RYR3: variants seen among roughly 807,000 people sequenced by gnomAD.
The protein encoded by RYR3 is ryanodine receptor 3.
A neutral mutation model predicts 584.3 loss-of-function variants in RYR3; 207 were observed. The ratio of observed to expected loss-of-function variants is 0.35; its 90% CI spans 0.32 to 0.40. The LOEUF (loss-of-function observed/expected upper bound fraction) is 0.40, where lower values mean the gene tolerates loss of function less well. RYR3 is among the 10% of genes least tolerant of loss of function. The pLI is 1.00. For synonymous variants in RYR3, 2,416 were observed against 2,248.5 expected (o/e 1.07, Z -2.11); for missense variants, 5,616 against 6,089.2 (o/e 0.92, Z 2.59).
intron 66 of RYR3, 123 bp downstream of exon 66, chr15:33,786,105 A>G (rs927059758): frequency 3.9e-6 from 3 of 773,910 alleles, no homozygotes; most frequent in East Asian, 2.7e-5. Context: ...AAACCTCCCC[A>G]TGCCCACCCC....
intron 38 of RYR3, among the ~76,000 whole-genome samples, chr15:33,683,102 C>G (rs961858498): frequency 6.6e-6 from 1 of 151,964 alleles, no homozygotes; most frequent in Admixed American, 6.6e-5. Flanking sequence ...TCATGCCATT[C>G]TCCTTCCTCA....
chr15:33,669,854 GGGGGTGTGGGT>G (rs2063723867), intron 37 of RYR3, among the ~76,000 whole-genome samples: 1 of 35,994 alleles, frequency 2.8e-5, no homozygotes, highest in African/African-American at 8.0e-5. Context: ...GGGGGGGGGG[GGGGGTGTGGGT>G]GTGTGGGTGT....
intron 1 of RYR3, among the ~76,000 whole-genome samples, chr15:33,338,957 G>A (rs775022849): frequency 6.6e-6 from 1 of 152,170 alleles, no homozygotes; most frequent in Non-Finnish European, 1.5e-5. Flanking sequence ...GCAAGAGACT[G>A]ACAAAACTGC....
intron 1 of RYR3, among the ~76,000 whole-genome samples, chr15:33,448,347 G>C (rs2141948814): frequency 6.6e-6 from 1 of 152,320 alleles, no homozygotes; most frequent in East Asian, 1.9e-4. Flanking sequence ...AATACCTTTT[G>C]CCCTGAGGCT....
At chr15:33,675,980 GC>G (rs34335833) in intron 38 of RYR3, among the ~76,000 whole-genome samples, 72,524 of 151,654 alleles carry the variant, frequency 0.48, 18,812 homozygotes, top group Non-Finnish European at 0.58. Flanking sequence ...CAGGATAATT[GC>G]CCCCCAAAGA....
Position 33,838,022 on chromosome 15 carries a change from G to A in RYR3, c.12042G>A (p.Leu4014=). 1 of 1,614,002 alleles carries A rather than the reference G, an allele frequency of 6.2e-7. No individual in the cohort carries two copies. Among genetic ancestry groups the A allele is most frequent in the Non-Finnish European group, 8.5e-7 (1 of 1,179,896 alleles). The part of the protein sequence containing the change: ...HMPNDSRLKC[L]LDPAESVLNY... ...CAAACGATTCCCGCCTGAAGTGTCT[G>A]TTGGACCCAGCAGAAAGTGTGCTAA... The change falls in exon 89 of 104, where the codon CTG becomes CTA. Residue 4014 remains leucine, a synonymous_variant. Coordinates refer to ENST00000634891, the MANE Select transcript of RYR3 (RefSeq NM_001036.6).
At chr15:33,681,069 G>A (rs1214905898) in intron 38 of RYR3, among the ~76,000 whole-genome samples, 2 of 152,168 alleles carry the variant, frequency 1.3e-5, no homozygotes, top group Non-Finnish European at 2.9e-5. Flanking sequence ...GCCAGATTCA[G>A]GCAGACCTCA....
chr15:33,838,958 G>C lies in RYR3; in HGVS notation c.12978G>C (p.Gln4326His). Residue 4326 changes from glutamine to histidine, a missense_variant and splice_region_variant, in exon 89 of 104, where the codon CAG (glutamine) becomes CAC (histidine). Transcript: ENST00000634891. ...CTGTACAGAAGAAGAGGAAAGCTCA[G>C]GTAAGTGTCATTTGTTTCTTTCATC... ...ESTVQKKRKA[Q>H]AAEMKAANEA... 4 of 1,599,720 alleles carry C rather than the reference G, an allele frequency of 2.5e-6. No individual in the cohort carries two copies. The highest frequency in any genetic ancestry group is 3.4e-6 in the Non-Finnish European group (4 of 1,174,228).
intron 69 of RYR3, 25 bp from the exon 70 acceptor site, chr15:33,807,530 T>C: frequency 6.4e-7 from 1 of 1,551,560 alleles, no homozygotes; most frequent in Non-Finnish European, 8.7e-7. Flanking sequence ...TCTCCTTGTT[T>C]CTTTTCTTTT....
At chr15:33,647,704 T>C (rs2062182995) in intron 30 of RYR3, among the ~76,000 whole-genome samples, 1 of 152,210 alleles carries the variant, frequency 6.6e-6, no homozygotes, top group Non-Finnish European at 1.5e-5. Flanking sequence ...TGGATACTTG[T>C]TGCCCATTTG....
chr15:33,769,249 G>C (rs925972452), intron 62 of RYR3, 77 bp downstream of exon 62: 1 of 1,071,422 alleles, frequency 9.3e-7, no homozygotes, highest in South Asian at 1.2e-5. Flanking sequence ...TTATACTGAA[G>C]AGAAGACAGA....
At chr15:33,485,889 T>C (rs1253993474) in intron 2 of RYR3, among the ~76,000 whole-genome samples, 1 of 152,052 alleles carries the variant, frequency 6.6e-6, no homozygotes, top group East Asian at 1.9e-4. Context: ...GGAATTTAAG[T>C]TGAATGAGGA....
At chr15:33,682,669 A>G (rs1433306166) in intron 38 of RYR3, among the ~76,000 whole-genome samples, 2 of 152,228 alleles carry the variant, frequency 1.3e-5, no homozygotes, top group African/African-American at 4.8e-5. Context: ...ATCAGAAAAC[A>G]TGTGCCTGGC....
At chr15:33,441,842 G>A (rs945754043) in intron 1 of RYR3, among the ~76,000 whole-genome samples, 2 of 152,170 alleles carry the variant, frequency 1.3e-5, no homozygotes, top group African/African-American at 4.8e-5. Context: ...GATTTCATGA[G>A]AGCCTCTTGA....
At chr15:33,596,896 T>C (rs1340161785) in intron 16 of RYR3, among the ~76,000 whole-genome samples, 2 of 152,062 alleles carry the variant, frequency 1.3e-5, no homozygotes, top group East Asian at 1.9e-4. Context: ...ACCTGCAAGC[T>C]GTCCTTGTTC....
intron 3 of RYR3, among the ~76,000 whole-genome samples, chr15:33,505,073 G>A (rs899427697): frequency 6.6e-6 from 1 of 152,174 alleles, no homozygotes; most frequent in Non-Finnish European, 1.5e-5. Flanking sequence ...GAAACTGTTT[G>A]CAGTTACCTA....
At chr15:33,520,843 C>T (rs910213401) in intron 3 of RYR3, among the ~76,000 whole-genome samples, 11 of 152,138 alleles carry the variant, frequency 7.2e-5, no homozygotes, top group Non-Finnish European at 1.3e-4. Context: ...ACCTTTTCCC[C>T]CTCAATGGAA....
chr15:33,830,919 G>A, intron 85 of RYR3, 44 bp from the exon 86 acceptor site: 1 of 1,599,010 alleles, frequency 6.3e-7, no homozygotes, highest in Non-Finnish European at 8.5e-7. Context: ...TAGCTTCACT[G>A]ACTGAAGTCT....
chr15:33,545,032 A>G (rs2056132174), intron 8 of RYR3, among the ~76,000 whole-genome samples: 1 of 152,176 alleles, frequency 6.6e-6, no homozygotes, highest in Non-Finnish European at 1.5e-5. Context: ...TGCTGCATCA[A>G]GGGGAAGGTT....
Sources: allele counts gnomAD v4.1 joint callset (sites outside exome capture counted in the v4.1 genomes callset), GRCh38; gene constraint gnomAD v4.1.1; transcripts MANE v1.5; gene names NCBI Gene and HGNC (gene_info 2026-07-23, HGNC 2026-07-21).